The following NUDT3 variants were observed in gnomAD, a reference collection of about 807,000 sequenced individuals.
NUDT3 encodes the protein nudix hydrolase 3.
A neutral mutation model predicts 23.6 loss-of-function variants in NUDT3; 9 were observed. The observed-to-expected ratio is 0.38, with a 90% CI of 0.23 to 0.66. NUDT3 has a LOEUF of 0.66. Ranked by LOEUF, NUDT3 falls within the 30% of genes least tolerant of loss-of-function variation. NUDT3 has a pLI of 0.52. For synonymous variants in NUDT3, 86 were observed against 82.6 expected, an observed-to-expected ratio of 1.04 and a Z score of -0.22; for missense variants, 172 against 218.5, an observed-to-expected ratio of 0.79 and a Z score of 1.34.
intron 1 of NUDT3, among the ~76,000 whole-genome samples, chr6:34,365,909 C>T (rs1024514644): frequency 6.6e-5 from 10 of 151,916 alleles, no homozygotes; most frequent in Admixed American, 3.3e-4. Context: ...GGGGTGGTGG[C>T]GCAAGCCTGT....
chr6:34,336,773 A>G (rs1176822053), intron 2 of NUDT3, among the ~76,000 whole-genome samples: 1 of 152,112 alleles, frequency 6.6e-6, no homozygotes, highest in Non-Finnish European at 1.5e-5. Flanking sequence ...AAAAAATCAA[A>G]TATATTAAAC....
At chr6:34,384,476 T>C (rs1765072970) in intron 1 of NUDT3, among the ~76,000 whole-genome samples, 2 of 152,198 alleles carry the variant, frequency 1.3e-5, no homozygotes, top group Admixed American at 6.5e-5. Flanking sequence ...ATTTGTTGTA[T>C]GTTCTGTATC....
chr6:34,365,335 A>C (rs1181930904), intron 1 of NUDT3, among the ~76,000 whole-genome samples: 1 of 152,122 alleles, frequency 6.6e-6, no homozygotes, highest in African/African-American at 2.4e-5. Context: ...AGACTGAGGC[A>C]GGAGAATCAC....
At chr6:34,337,848 C>T (rs554365603) in intron 2 of NUDT3, among the ~76,000 whole-genome samples, 1 of 152,348 alleles carries the variant, frequency 6.6e-6, no homozygotes, top group South Asian at 2.1e-4. Context: ...TATTCCAGAA[C>T]CATCACTCCA....
At chr6:34,386,177 CTG>C (rs1199378054) in intron 1 of NUDT3, among the ~76,000 whole-genome samples, 1 of 152,208 alleles carries the variant, frequency 6.6e-6, no homozygotes, top group East Asian at 1.9e-4. Context: ...GTGTACCAAG[CTG>C]GTTAAAGTGG....
chr6:34,325,948 G>A (rs1304954700), intron 2 of NUDT3, among the ~76,000 whole-genome samples: 5 of 152,118 alleles, frequency 3.3e-5, no homozygotes, highest in Non-Finnish European at 7.3e-5. Context: ...TATATAATAA[G>A]TACTTACGCT....
intron 2 of NUDT3, among the ~76,000 whole-genome samples, chr6:34,300,340 G>C (rs2113700561): frequency 6.6e-6 from 1 of 152,310 alleles, no homozygotes; most frequent in South Asian, 2.1e-4. Flanking sequence ...GGTTTGCCCA[G>C]CCCACAGGCA....
chr6:34,359,971 A>T (rs560885608), intron 1 of NUDT3, among the ~76,000 whole-genome samples: 2 of 152,214 alleles, frequency 1.3e-5, no homozygotes, highest in Non-Finnish European at 2.9e-5. Flanking sequence ...ACTAGTTTTA[A>T]GAATGTCTAT....
intron 1 of NUDT3, among the ~76,000 whole-genome samples, chr6:34,356,869 A>G (rs547598656): frequency 9.9e-5 from 15 of 152,172 alleles, no homozygotes; most frequent in Admixed American, 2.6e-4. Flanking sequence ...GCTCCGCCTT[A>G]CAGGTCCATG....
chr6:34,324,996 T>C (rs1764002424), intron 2 of NUDT3, among the ~76,000 whole-genome samples: 1 of 152,184 alleles, frequency 6.6e-6, no homozygotes, highest in East Asian at 1.9e-4. Flanking sequence ...CACTGGAGGC[T>C]ATGTCTATGC....
chr6:34,342,191 T>A (rs1046048150), intron 1 of NUDT3, among the ~76,000 whole-genome samples: 12 of 145,398 alleles, frequency 8.3e-5, no homozygotes, highest in African/African-American at 3.1e-4. Context: ...ATCTCTACAC[T>A]CCCCTCAGAT....
Position 34,329,141 on chromosome 6 carries a change from G to A in NUDT3, c.210+12721C>T, listed in dbSNP as rs1389283457. Among the ~76,000 whole-genome samples the A allele has an allele frequency of 2.0e-5, 3 of 152,100 alleles. No homozygotes were observed. In the East Asian group the frequency reaches 5.8e-4, roughly 29 times the overall value. ...ATGAAACATGAAATTCTGCTTTCCT[G>A]TTAGAGACTGTTCTGAGATACCATA... On this transcript the variant is annotated intron_variant, in intron 2 of 4. Coordinates refer to ENST00000607016, the MANE Select transcript of NUDT3 (RefSeq NM_006703.4).
intron 2 of NUDT3, among the ~76,000 whole-genome samples, chr6:34,309,977 A>C (rs1763746312): frequency 6.6e-6 from 1 of 152,150 alleles, no homozygotes; most frequent in Non-Finnish European, 1.5e-5. Flanking sequence ...GCATGCCTGT[A>C]ATCCTAGCAC....
At chr6:34,360,017 C>T (rs539510310) in intron 1 of NUDT3, among the ~76,000 whole-genome samples, 4 of 152,082 alleles carry the variant, frequency 2.6e-5, no homozygotes, top group Admixed American at 6.6e-5. Context: ...TTGCTTGAGT[C>T]CAGGAGTTGG....
chr6:34,375,042 T>G (rs1313786990), intron 1 of NUDT3, among the ~76,000 whole-genome samples: 2 of 152,178 alleles, frequency 1.3e-5, no homozygotes, highest in Non-Finnish European at 2.9e-5. Context: ...TTGAGCCCAC[T>G]AGGTAATAAG....
At chr6:34,297,370 C>T (rs1010462470) in intron 2 of NUDT3, among the ~76,000 whole-genome samples, 1 of 151,956 alleles carries the variant, frequency 6.6e-6, no homozygotes, top group African/African-American at 2.4e-5. Flanking sequence ...GGACAAGCTG[C>T]CAGGCCAGCC....
rs900792854 is a variant in NUDT3, at chr6:34,281,367, A to G, written c.*7386T>C. On this transcript the variant is annotated 3_prime_UTR_variant, in exon 5 of 5. Transcript: ENST00000607016. ...ACTGGCCTTCCACTTCCTCTCTCTG[A>G]TACACCTAAGAAGGTGAGAGACACT... 3 of 152,216 alleles carry G rather than the reference A, an allele frequency of 2.0e-5. No homozygotes were observed. Among genetic ancestry groups the G allele is most frequent in the Non-Finnish European group, 4.4e-5 (3 of 68,044 alleles). 9.4% of individuals were successfully genotyped at this position (152,216 alleles called of 1,614,324 possible). A position where few individuals can be genotyped will look rare whatever the true frequency, so the allele number is the denominator to read the frequency against.
rs7764521 is a variant in NUDT3 at position 34,315,006 on chromosome 6, C to T, written c.211-19321G>A. On this transcript the variant is annotated intron_variant, in intron 2 of 4. Transcript: ENST00000607016. ...CACGTATCAACCTCCTGATCTCTGC[C>T]GCTGGGAAAATAAATCAGGACACCT... Among the ~76,000 whole-genome samples, 951 of 152,126 alleles carry T rather than the reference C, an allele frequency of 6.3e-3. 11 individuals carry two copies. The highest frequency in any genetic ancestry group is 0.022 in the African/African-American group (899 of 41,490).
At chr6:34,322,257 GT>G (rs979571746) in intron 2 of NUDT3, among the ~76,000 whole-genome samples, 62 of 150,940 alleles carry the variant, frequency 4.1e-4, no homozygotes, top group African/African-American at 1.5e-3. Context: ...TTGAGATGGA[GT>G]TTCGCTCTGT....
Sources: allele counts gnomAD v4.1 joint callset (sites outside exome capture counted in the v4.1 genomes callset), GRCh38; gene constraint gnomAD v4.1.1; transcripts MANE v1.5; gene names NCBI Gene and HGNC (gene_info 2026-07-23, HGNC 2026-07-21).